The following SGK1 variants were observed in gnomAD, a reference collection of about 807,000 sequenced individuals.
SGK1 encodes serum/glucocorticoid regulated kinase 1.
SGK1 carries 26 observed loss-of-function variants against 64.2 expected under a neutral mutation model. The ratio of observed to expected loss-of-function variants is 0.40; its 90% CI spans 0.30 to 0.56. SGK1 has a LOEUF of 0.56. SGK1 is among the 20% of genes least tolerant of loss of function. The pLI is 0.38. For synonymous variants in SGK1, 265 were observed against 239.7 expected (o/e 1.11, Z -0.98); for missense variants, 519 against 645.6 (o/e 0.80, Z 2.12).
chr6:134,259,501 G>C (rs141617506), intron 2 of SGK1, among the ~76,000 whole-genome samples: 2 of 151,760 alleles, frequency 1.3e-5, no homozygotes, highest in African/African-American at 2.4e-5. Context: ...AAAATTACCC[G>C]GGTGTGGTGT....
intron 1 of SGK1, 108 bp downstream of exon 1, chr6:134,317,269 CATCAGAAGCACGGCT>C: frequency 1.3e-6 from 1 of 744,368 alleles, no homozygotes; most frequent in Non-Finnish European, 2.5e-6. Flanking sequence ...TTACCACTGC[CATCAGAAGCACGGCT>C]TACATTAAGG....
At chr6:134,205,311 T>C (rs1273089775) in intron 3 of SGK1, among the ~76,000 whole-genome samples, 1 of 152,176 alleles carries the variant, frequency 6.6e-6, no homozygotes. Flanking sequence ...ATGGCATAAA[T>C]AGGCTAATTC....
chr6:134,297,842 C>T (rs573240448), intron 1 of SGK1: 4 of 744,168 alleles, frequency 5.4e-6, no homozygotes, highest in South Asian at 4.2e-5. Context: ...CCCCGTGCTT[C>T]CCAGCCAGCA....
intron 2 of SGK1, among the ~76,000 whole-genome samples, chr6:134,207,858 T>G (rs1775819532): frequency 6.6e-6 from 1 of 152,248 alleles, no homozygotes; most frequent in Admixed American, 6.5e-5. Context: ...TAGTACATAT[T>G]GCTTGGGAAA....
intron 1 of SGK1, among the ~76,000 whole-genome samples, chr6:134,299,749 C>T (rs1043081886): frequency 2.7e-5 from 4 of 150,654 alleles, no homozygotes; most frequent in Non-Finnish European, 5.9e-5. Context: ...CTAGTTTAGG[C>T]ATTTCCTTCT....
At chr6:134,192,397 T>C (rs575922881) in intron 3 of SGK1, among the ~76,000 whole-genome samples, 2 of 152,340 alleles carry the variant, frequency 1.3e-5, no homozygotes, top group South Asian at 4.1e-4. Flanking sequence ...AGCTAATCTT[T>C]TCCTAAATCC....
intron 2 of SGK1, among the ~76,000 whole-genome samples, chr6:134,237,299 T>TAC (rs1218898613): frequency 6.6e-6 from 1 of 151,760 alleles, no homozygotes; most frequent in African/African-American, 2.4e-5. Flanking sequence ...CCAGGTGATC[T>TAC]ACCCACTCTG....
Position 134,225,351 on chromosome 6 carries a change from G to GAA in SGK1, c.286-17921_286-17920insTT, listed in dbSNP as rs780987311. 7.0e-4 allele frequency among the ~76,000 whole-genome samples: 68 copies of GAA among 97,808 alleles called. 5 individuals carry two copies. Among genetic ancestry groups the GAA allele is most frequent in the African/African-American group, 1.2e-3 (34 of 28,832 alleles). The allele number at this position is 97,808 out of a possible 152,430, so 64.2% of individuals were successfully genotyped here. ...GGGTGACAGAGCGAGACTCCATCTC[G>GAA]GAAAAAAAAAAAAAAAAGAAAAGAA... On this transcript the variant is annotated intron_variant, in intron 2 of 13. Coordinates refer to ENST00000367858, the MANE Select transcript of SGK1 (RefSeq NM_001143676.3).
At chr6:134,283,905 A>AAAAAAAACAAC (rs1777139420) in intron 1 of SGK1, among the ~76,000 whole-genome samples, 1 of 134,002 alleles carries the variant, frequency 7.5e-6, no homozygotes, top group African/African-American at 3.0e-5. Context: ...AAAAAAAAAA[A>AAAAAAAACAAC]AGCCTGACCA....
intron 2 of SGK1, among the ~76,000 whole-genome samples, chr6:134,226,796 C>T (rs1776189037): frequency 6.6e-6 from 1 of 152,140 alleles, no homozygotes; most frequent in African/African-American, 2.4e-5. Context: ...AGTGATCCTC[C>T]CACTTCAGCC....
At chr6:134,302,456 C>T (rs1777472838) in intron 1 of SGK1, among the ~76,000 whole-genome samples, 1 of 152,170 alleles carries the variant, frequency 6.6e-6, no homozygotes, top group African/African-American at 2.4e-5. Flanking sequence ...AGAGAATCAA[C>T]CTGTTGATGA....
chr6:134,204,665 C>G (rs544181220), intron 3 of SGK1, among the ~76,000 whole-genome samples: 1 of 151,706 alleles, frequency 6.6e-6, no homozygotes, highest in African/African-American at 2.4e-5. Flanking sequence ...GTGATTCTCC[C>G]GCCTCAGTCT....
At chr6:134,189,255 T>A (rs1341992680) in intron 3 of SGK1, among the ~76,000 whole-genome samples, 1 of 151,964 alleles carries the variant, frequency 6.6e-6, no homozygotes, top group African/African-American at 2.4e-5. Flanking sequence ...TGTGTATATA[T>A]AAATATACAC....
intron 3 of SGK1, chr6:134,174,845 A>C: frequency 6.2e-7 from 1 of 1,613,178 alleles, no homozygotes; most frequent in South Asian, 1.1e-5. Context: ...TAGCGCTCAA[A>C]GACCGGCTCG....
At chr6:134,285,674 C>G (rs780097197) in intron 1 of SGK1, among the ~76,000 whole-genome samples, 3 of 151,612 alleles carry the variant, frequency 2.0e-5, no homozygotes, top group Non-Finnish European at 4.4e-5. Flanking sequence ...TTGTATATCT[C>G]CTTTTGAGAA....
intron 1 of SGK1, among the ~76,000 whole-genome samples, chr6:134,300,830 C>T (rs1777442497): frequency 6.6e-6 from 1 of 151,728 alleles, no homozygotes; most frequent in African/African-American, 2.4e-5. Context: ...AGGGGGGTTT[C>T]ACCATCTTGG....
chr6:134,173,789 T>C, intron 5 of SGK1: 3 of 581,130 alleles, frequency 5.2e-6, no homozygotes, highest in South Asian at 2.4e-5. Context: ...AATATGCCTT[T>C]TAAAATAACC....
At chr6:134,257,976 C>T (rs563071130) in intron 2 of SGK1, among the ~76,000 whole-genome samples, 3 of 152,152 alleles carry the variant, frequency 2.0e-5, no homozygotes, top group African/African-American at 2.4e-5. Flanking sequence ...TCTTTACTAC[C>T]GGCTTCTGCA....
At chr6:134,261,292 G>A (rs1003090676) in intron 2 of SGK1, 2 of 153,440 alleles carry the variant, frequency 1.3e-5, no homozygotes, top group East Asian at 3.8e-4. Context: ...TACAATCGTT[G>A]TATCATCTAA....
Sources: gnomAD v4.1 joint callset for allele counts (sites outside exome capture counted in the v4.1 genomes callset) on GRCh38, gnomAD v4.1.1 for gene constraint, MANE v1.5 for transcripts, NCBI Gene and HGNC (gene_info 2026-07-23, HGNC 2026-07-21) for gene names.